The following TYW1 variants were observed in gnomAD, a reference collection of about 807,000 sequenced individuals.
TYW1 encodes the protein S-adenosyl-L-methionine-dependent tRNA 4-demethylwyosine synthase TYW1.
Under a neutral mutation model 96.2 loss-of-function variants are expected in TYW1, and 46 were observed. That is an observed-to-expected ratio of 0.48 (90% CI 0.38 to 0.61). TYW1 has a LOEUF of 0.61. Ranked by LOEUF, TYW1 falls within the 20% of genes least tolerant of loss-of-function variation. TYW1 has a pLI of 0.00. For synonymous variants in TYW1, 274 were observed against 323.0 expected (o/e 0.85, Z 1.63); for missense variants, 684 against 909.6 (o/e 0.75, Z 3.19).
intron 12 of TYW1, among the ~76,000 whole-genome samples, chr7:67,112,629 AAAG>A (rs1474016347): frequency 6.6e-6 from 1 of 151,902 alleles, no homozygotes; most frequent in Non-Finnish European, 1.5e-5. Flanking sequence ...AAAAAAAAAA[AAAG>A]AAAACAAAAG....
chr7:67,014,224 T>G (rs1308954836), intron 4 of TYW1, 143 bp from the exon 5 acceptor site: 64 of 1,179,698 alleles, frequency 5.4e-5, no homozygotes, highest in South Asian at 3.7e-4. Context: ...TTCTTAGTCA[T>G]GCCCTTCACT....
At chr7:67,025,139 T>G (rs1794406645) in intron 7 of TYW1, 117 bp downstream of exon 7, 2 of 1,493,900 alleles carry the variant, frequency 1.3e-6, no homozygotes, top group Middle Eastern at 1.8e-4. Flanking sequence ...CTCTAGCTTC[T>G]GTCTTGAGAG....
chr7:67,106,013 T>C (rs567825732), intron 12 of TYW1, among the ~76,000 whole-genome samples: 1 of 147,100 alleles, frequency 6.8e-6, no homozygotes, highest in East Asian at 2.2e-4. Flanking sequence ...TTCTCCTGCC[T>C]CAGCCTCCCA....
intron 6 of TYW1, among the ~76,000 whole-genome samples, chr7:67,019,562 G>A (rs947783630): frequency 2.6e-5 from 4 of 152,244 alleles, no homozygotes; most frequent in African/African-American, 4.8e-5. Context: ...TCCTGGCCTC[G>A]AGCAAACCTC....
At chr7:67,225,219 A>C (rs1801522882) in intron 15 of TYW1, among the ~76,000 whole-genome samples, 1 of 149,980 alleles carries the variant, frequency 6.7e-6, no homozygotes, top group Non-Finnish European at 1.5e-5. Context: ...AAAAAAGTAG[A>C]AGTCTTGTCC....
At chr7:67,092,975 G>T (rs1174228768) in intron 11 of TYW1, among the ~76,000 whole-genome samples, 1 of 151,764 alleles carries the variant, frequency 6.6e-6, no homozygotes, top group Non-Finnish European at 1.5e-5. Flanking sequence ...GAGCCACCAC[G>T]CCCGGCCCAA....
At chr7:67,192,188 G>T (rs1800240967) in intron 14 of TYW1, among the ~76,000 whole-genome samples, 1 of 152,088 alleles carries the variant, frequency 6.6e-6, no homozygotes, top group African/African-American at 2.4e-5. Flanking sequence ...GAGCCACCGT[G>T]CCTAGCCTCC....
intron 15 of TYW1, among the ~76,000 whole-genome samples, chr7:67,236,948 C>T (rs547490183): frequency 2.0e-5 from 3 of 152,150 alleles, no homozygotes; most frequent in Non-Finnish European, 2.9e-5. Flanking sequence ...TGCAGTGGCA[C>T]TGTCTCAGCT....
intron 13 of TYW1, among the ~76,000 whole-genome samples, chr7:67,160,193 T>C (rs960500925): frequency 3.3e-5 from 5 of 152,178 alleles, no homozygotes; most frequent in African/African-American, 1.2e-4. Context: ...GCCCAGGAGG[T>C]TGAGGCTGCA....
In TYW1 at chr7:67,078,795, C is replaced by T. The variant is rs1279256283; in HGVS notation, c.1275-4635C>T. Among the ~76,000 whole-genome samples the T allele has an allele frequency of 5.3e-5, 8 of 151,690 alleles. No individual in the cohort carries two copies. In the South Asian group the frequency reaches 6.3e-4, roughly 12 times the overall value. On this transcript the variant is annotated intron_variant, in intron 10 of 15. Coordinates refer to ENST00000359626, the MANE Select transcript of TYW1 (RefSeq NM_018264.4). ...GCAACCTCCACCTCCTGGGTTCAAG[C>T]GATTCCCCTGCCTCAGCCTCCTGAG...
At chr7:66,998,743 G>T in intron 2 of TYW1, 74 bp from the exon 3 acceptor site, 3 of 1,529,878 alleles carry the variant, frequency 2.0e-6, no homozygotes, top group Admixed American at 1.9e-5. Flanking sequence ...CAGTATCTGT[G>T]CTAATTTTCA....
At chr7:67,204,969 A>T (rs4718478) in intron 15 of TYW1, among the ~76,000 whole-genome samples, 38,209 of 152,076 alleles carry the variant, frequency 0.25, 4,979 homozygotes, top group African/African-American at 0.3. Context: ...ATCAGATAAT[A>T]CCAACGCACA....
chr7:67,107,639 A>G (rs1797282167), intron 12 of TYW1, among the ~76,000 whole-genome samples: 1 of 152,172 alleles, frequency 6.6e-6, no homozygotes, highest in African/African-American at 2.4e-5. Context: ...AAGACATGAA[A>G]CATGGAAGTT....
At chr7:67,072,367 C>T (rs989554587) in intron 10 of TYW1, among the ~76,000 whole-genome samples, 1 of 151,974 alleles carries the variant, frequency 6.6e-6, no homozygotes, top group African/African-American at 2.4e-5. Context: ...CTGCCTCAGC[C>T]TCCTGAGTAG....
intron 10 of TYW1, among the ~76,000 whole-genome samples, chr7:67,076,503 T>C (rs533329868): frequency 2.0e-5 from 3 of 151,728 alleles, no homozygotes; most frequent in Admixed American, 1.3e-4. Context: ...TTAGACAGAG[T>C]CTCGCTCTTT....
intron 4 of TYW1, among the ~76,000 whole-genome samples, chr7:67,014,095 A>G (rs1201813137): frequency 1.3e-5 from 2 of 152,008 alleles, no homozygotes; most frequent in South Asian, 2.1e-4. Context: ...CAAATTAGCG[A>G]TGATGAGAAT....
intron 15 of TYW1, among the ~76,000 whole-genome samples, chr7:67,212,308 T>C (rs1801060645): frequency 6.8e-6 from 1 of 146,070 alleles, no homozygotes; most frequent in Non-Finnish European, 1.5e-5. Context: ...CTTTCGTGCA[T>C]TTTCCTGGCT....
chr7:67,169,946 C>T (rs1243750608), intron 13 of TYW1, among the ~76,000 whole-genome samples: 1 of 152,264 alleles, frequency 6.6e-6, no homozygotes, highest in Non-Finnish European at 1.5e-5. Flanking sequence ...CAACTTGAAG[C>T]ACAGAAAGTT....
intron 13 of TYW1, among the ~76,000 whole-genome samples, chr7:67,139,201 G>A (rs768618376): frequency 4.6e-5 from 7 of 152,084 alleles, no homozygotes; most frequent in East Asian, 1.9e-4. Flanking sequence ...ACAGGTGCAC[G>A]CCGCCACACC....
Sources: allele counts gnomAD v4.1 joint callset (sites outside exome capture counted in the v4.1 genomes callset), GRCh38; gene constraint gnomAD v4.1.1; transcripts MANE v1.5; gene names NCBI Gene and HGNC (gene_info 2026-07-23, HGNC 2026-07-21).